The following PAFAH2 variants were observed in gnomAD, a reference collection of about 807,000 sequenced individuals.
The protein encoded by PAFAH2 is platelet activating factor acetylhydrolase 2.
PAFAH2 carries 42 observed loss-of-function variants against 49.0 expected under a neutral mutation model. The ratio of observed to expected loss-of-function variants is 0.86; its 90% CI spans 0.67 to 1.11. The LOEUF (loss-of-function observed/expected upper bound fraction) is 1.11. Ranked by LOEUF, PAFAH2 falls within the 50% of genes least tolerant of loss-of-function variation. The pLI is 0.00. For synonymous variants in PAFAH2, 184 were observed against 181.3 expected (o/e 1.01, Z -0.12); for missense variants, 503 against 501.8 (o/e 1.00, Z -0.02).
rs559518048 is a variant in PAFAH2, at chr1:25,966,796, C to T, written c.1085-4713G>A. ...CAAATAAACCCAGCACTTTGGGAGG[C>T]CAACACAGGCAGATCACAAGGTCAG... On this transcript the variant is annotated intron_variant, in intron 10 of 10. Transcript: ENST00000374282. 2.0e-5 allele frequency among the ~76,000 whole-genome samples: 3 copies of T among 152,138 alleles called. No individual in the cohort carries two copies. In the East Asian group the frequency reaches 5.8e-4, roughly 29 times the overall value.
chr1:25,982,506 GGAAC>G, intron 6 of PAFAH2, 29 bp from the exon 7 acceptor site: 2 of 1,510,416 alleles, frequency 1.3e-6, no homozygotes, highest in Non-Finnish European at 1.8e-6. Context: ...CAGTGGGACT[GGAAC>G]ACTCCACAAC....
intron 10 of PAFAH2, among the ~76,000 whole-genome samples, chr1:25,969,594 A>G (rs547824399): frequency 6.6e-6 from 1 of 152,364 alleles, no homozygotes; most frequent in Non-Finnish European, 1.5e-5. Flanking sequence ...AAAGGTATCT[A>G]CTGGAAAGGG....
At chr1:25,964,719 G>A (rs527814053) in intron 10 of PAFAH2, among the ~76,000 whole-genome samples, 226 of 152,206 alleles carry the variant, frequency 1.5e-3, no homozygotes, top group African/African-American at 5.3e-3. Flanking sequence ...GGAGGTGAAA[G>A]ATCTCTACAA....
chr1:25,983,747 T>C (rs1197445701), intron 6 of PAFAH2, among the ~76,000 whole-genome samples, 199 bp downstream of exon 6: 1 of 152,152 alleles, frequency 6.6e-6, no homozygotes, highest in African/African-American at 2.4e-5. Flanking sequence ...CTTTTTTGCC[T>C]AGGTAAGCCT....
At chr1:25,996,566 C>T (rs1298282153) in intron 1 of PAFAH2, among the ~76,000 whole-genome samples, 2 of 151,704 alleles carry the variant, frequency 1.3e-5, no homozygotes, top group African/African-American at 2.4e-5. Context: ...GGCGTGAACC[C>T]GGGAGGCGGA....
At chr1:25,968,147 C>A (rs866070660) in intron 10 of PAFAH2, among the ~76,000 whole-genome samples, 2 of 151,920 alleles carry the variant, frequency 1.3e-5, no homozygotes, top group Non-Finnish European at 2.9e-5. Context: ...GCCTGGGTGA[C>A]AGAGTGAGAC....
chr1:25,974,416 AAGGGCACCAC>A (rs1557517655), intron 9 of PAFAH2, 54 bp downstream of exon 9: 1 of 1,393,510 alleles, frequency 7.2e-7, no homozygotes, highest in Non-Finnish European at 9.6e-7. Flanking sequence ...TCCAGAAGTT[AAGGGCACCAC>A]AGCAAGTGGC....
At chr1:25,986,206 G>T (rs1418436031) in intron 4 of PAFAH2, among the ~76,000 whole-genome samples, 1 of 152,192 alleles carries the variant, frequency 6.6e-6, no homozygotes, top group Admixed American at 6.5e-5. Flanking sequence ...TAATATAGGT[G>T]TCAAGATGGG....
intron 4 of PAFAH2, among the ~76,000 whole-genome samples, chr1:25,987,291 AT>A (rs2049796951): frequency 6.7e-6 from 1 of 150,078 alleles, no homozygotes; most frequent in African/African-American, 2.5e-5. Flanking sequence ...ATAAAATAAA[AT>A]AAAAAGATCT....
intron 7 of PAFAH2, among the ~76,000 whole-genome samples, chr1:25,980,224 C>T (rs912736379): frequency 6.6e-6 from 1 of 152,158 alleles, no homozygotes; most frequent in African/African-American, 2.4e-5. Context: ...CTTTTTGATC[C>T]TTAGTTTCTT....
At chr1:25,990,979 C>T (rs1305309633) in intron 1 of PAFAH2, 116 bp from the exon 2 acceptor site, 6 of 583,374 alleles carry the variant, frequency 1.0e-5, no homozygotes, top group African/African-American at 3.7e-5. Flanking sequence ...TCCTCCCTGC[C>T]GTCGCTCATT....
intron 10 of PAFAH2, among the ~76,000 whole-genome samples, chr1:25,970,088 A>G (rs1389308362): frequency 6.6e-6 from 1 of 152,222 alleles, no homozygotes; most frequent in African/African-American, 2.4e-5. Context: ...TGTGTTTTAA[A>G]TGCAAACTCA....
In PAFAH2 at chr1:25,989,467, C is replaced by A. The variant is rs1457364062; in HGVS notation, c.225G>T (p.Leu75Phe). ...YLQFNKRCGGLLFNLAVGSCR... is the reference protein window; with the variant it reads ...YLQFNKRCGGFLFNLAVGSCR... ...CCTTACCCACCGCCAGGTTGAACAG[C>A]AAGCCCCCGCAGCGCTTATTAAACT... The change falls in exon 3 of 11, where the codon TTG becomes TTT. Residue 75 changes from leucine to phenylalanine, a missense_variant. Leu to Phe is a conservative substitution (Grantham distance 22). Coordinates refer to ENST00000374282, the MANE Select transcript of PAFAH2 (RefSeq NM_000437.4). 1.9e-6 allele frequency: 3 copies of A among 1,600,520 alleles called. No individual in the cohort carries two copies. Among genetic ancestry groups the A allele is most frequent in the Non-Finnish European group, 2.6e-6 (3 of 1,173,418 alleles).
chr1:25,967,046 A>T (rs540863396), intron 10 of PAFAH2, among the ~76,000 whole-genome samples: 51 of 151,384 alleles, frequency 3.4e-4, no homozygotes, highest in African/African-American at 1.2e-3. Context: ...AAAAAAAAAA[A>T]AAAAGACTGT....
chr1:25,978,038 G>C (rs578006334), intron 7 of PAFAH2, among the ~76,000 whole-genome samples: 3 of 152,256 alleles, frequency 2.0e-5, no homozygotes, highest in Admixed American at 2.0e-4. Flanking sequence ...CACTGCAGCT[G>C]CTTGCTAAGG....
At chr1:25,974,683 G>A in intron 8 of PAFAH2, 33 bp from the exon 9 acceptor site, 1 of 1,593,984 alleles carries the variant, frequency 6.3e-7, no homozygotes, top group South Asian at 1.1e-5. Context: ...GAATTGCCAT[G>A]CGGATCCCAG....
chr1:25,994,945 A>T (rs1346211890), intron 1 of PAFAH2, among the ~76,000 whole-genome samples: 3 of 152,238 alleles, frequency 2.0e-5, no homozygotes, highest in Non-Finnish European at 4.4e-5. Flanking sequence ...TCCTGGACTC[A>T]CATTGACTGA....
At chr1:25,977,932 C>T (rs2049621467) in intron 7 of PAFAH2, among the ~76,000 whole-genome samples, 1 of 152,132 alleles carries the variant, frequency 6.6e-6, no homozygotes, top group Admixed American at 6.5e-5. Context: ...TATCCAAAGC[C>T]AAGGGGAAGA....
intron 1 of PAFAH2, 68 bp from the exon 2 acceptor site, chr1:25,990,931 G>T: frequency 1.3e-6 from 1 of 764,644 alleles, no homozygotes; most frequent in Non-Finnish European, 2.3e-6. Flanking sequence ...GCTGAAATGT[G>T]TTATCTGTTA....
Sources: allele counts gnomAD v4.1 joint callset (sites outside exome capture counted in the v4.1 genomes callset), GRCh38; gene constraint gnomAD v4.1.1; transcripts MANE v1.5; gene names NCBI Gene and HGNC (gene_info 2026-07-23, HGNC 2026-07-21).